CLEC2A: variants seen among roughly 807,000 people sequenced by gnomAD.
The protein encoded by CLEC2A is keratinocyte-associated C-type lectin.
A neutral mutation model predicts 18.6 loss-of-function variants in CLEC2A; 19 were observed. The observed-to-expected ratio is 1.02, with a 90% CI of 0.71 to 1.50. The LOEUF is 1.50. Ranked by LOEUF, CLEC2A falls within the 40% of genes most tolerant of loss-of-function variation. The pLI, the probability that CLEC2A is intolerant of heterozygous loss-of-function variation, is 0.00. For missense variants in CLEC2A, 190 were observed against 207.9 expected (o/e 0.91, Z 0.53); for synonymous variants, 74 against 64.0 (o/e 1.16, Z -0.75).
chr12:9,897,504 C>T (rs1438546318), downstream of CLEC2A, among the ~76,000 whole-genome samples: 2 of 151,312 alleles, frequency 1.3e-5, no homozygotes, highest in East Asian at 1.9e-4. Context: ...AAATTAGGCA[C>T]GTGGACACAT....
At chr12:9,889,758 G>C in the CLEC2A span, among the ~76,000 whole-genome samples, 1 of 151,898 alleles carries the variant, frequency 6.6e-6, no homozygotes, top group Non-Finnish European at 1.5e-5. Flanking sequence ...GTAATACAGT[G>C]TGGAGGCAGT....
At chr12:9,902,409 T>C (rs1419018722) in intron 4 of CLEC2A, among the ~76,000 whole-genome samples, 1 of 151,868 alleles carries the variant, frequency 6.6e-6, no homozygotes, top group East Asian at 1.9e-4. Flanking sequence ...ATTTTTGAAT[T>C]TGTAGTAGAA....
At chr12:9,904,846 T>C (rs1261004308) in intron 4 of CLEC2A, among the ~76,000 whole-genome samples, 1 of 152,196 alleles carries the variant, frequency 6.6e-6, no homozygotes, top group East Asian at 1.9e-4. Flanking sequence ...GCAACTACTT[T>C]GAAAAAGGGG....
intron 3 of CLEC2A, among the ~76,000 whole-genome samples, chr12:9,919,035 T>C (rs192779759): frequency 2.0e-5 from 3 of 152,348 alleles, no homozygotes; most frequent in African/African-American, 7.2e-5. Context: ...TGGGAGACTC[T>C]TGATCCATTG....
the CLEC2A span, among the ~76,000 whole-genome samples, chr12:9,886,753 C>T: frequency 1.6e-5 from 2 of 124,324 alleles, no homozygotes; most frequent in Admixed American, 9.4e-5. Context: ...GATTTTGCCC[C>T]TATATCATGC....
At chr12:9,907,066 T>A (rs1040973802) in intron 4 of CLEC2A, among the ~76,000 whole-genome samples, 5 of 152,220 alleles carry the variant, frequency 3.3e-5, no homozygotes, top group African/African-American at 1.2e-4. Flanking sequence ...TCCTGCTTTC[T>A]TCAGTCAGTA....
At chr12:9,902,378 G>T (rs1862843422) in intron 4 of CLEC2A, among the ~76,000 whole-genome samples, 1 of 151,886 alleles carries the variant, frequency 6.6e-6, no homozygotes, top group East Asian at 1.9e-4. Context: ...AATTACAGGT[G>T]TGCACCATTG....
intron 2 of CLEC2A, among the ~76,000 whole-genome samples, chr12:9,922,650 A>T (rs1303672626): frequency 6.6e-6 from 1 of 152,236 alleles, no homozygotes; most frequent in African/African-American, 2.4e-5. Flanking sequence ...GAAACTTGCC[A>T]TAAAGGACAA....
At chr12:9,878,258 A>G in the CLEC2A span, among the ~76,000 whole-genome samples, 1 of 152,222 alleles carries the variant, frequency 6.6e-6, no homozygotes, top group Non-Finnish European at 1.5e-5. Flanking sequence ...ACATGAGGAT[A>G]TGAATTTTGT....
intron 3 of CLEC2A, among the ~76,000 whole-genome samples, chr12:9,921,586 T>C (rs939919693): frequency 6.6e-6 from 1 of 152,048 alleles, no homozygotes; most frequent in East Asian, 1.9e-4. Flanking sequence ...GACTCTGTCT[T>C]AAAAACAAAC....
At chr12:9,897,305 C>T (rs759872768), downstream of CLEC2A, among the ~76,000 whole-genome samples, 1 of 152,062 alleles carries the variant, frequency 6.6e-6, no homozygotes, top group Non-Finnish European at 1.5e-5. Context: ...CCCTCTACCC[C>T]CTGGAAACTA....
intron 4 of CLEC2A, among the ~76,000 whole-genome samples, chr12:9,914,794 A>G (rs1863043619): frequency 6.6e-6 from 1 of 152,214 alleles, no homozygotes; most frequent in Non-Finnish European, 1.5e-5. Flanking sequence ...CATTCAGGAC[A>G]TAGGCATGGG....
At chr12:9,894,095 C>G (rs1272137052), downstream of CLEC2A, among the ~76,000 whole-genome samples, 1 of 149,510 alleles carries the variant, frequency 6.7e-6, no homozygotes, top group African/African-American at 2.5e-5. Context: ...TCTTCTTTCT[C>G]TTTCTCTCTT....
At chr12:9,890,385 A>G in the CLEC2A span, among the ~76,000 whole-genome samples, 1 of 151,032 alleles carries the variant, frequency 6.6e-6, no homozygotes, top group Non-Finnish European at 1.5e-5. Flanking sequence ...CAGACCACCC[A>G]TCTTTCGAGA....
downstream of CLEC2A, chr12:9,895,849 T>C: frequency 6.6e-7 from 1 of 1,512,394 alleles, no homozygotes; most frequent in Non-Finnish European, 8.8e-7. Flanking sequence ...CAACCAAACA[T>C]AGAAATACTT....
At chr12:9,925,022 T>G (rs763362795) in intron 2 of CLEC2A, among the ~76,000 whole-genome samples, 1 of 152,248 alleles carries the variant, frequency 6.6e-6, no homozygotes, top group Non-Finnish European at 1.5e-5. Context: ...TCCGGTCACT[T>G]TTCTACCCAA....
the CLEC2A span, chr12:9,893,540 T>G: frequency 7.5e-7 from 1 of 1,337,746 alleles, no homozygotes; most frequent in South Asian, 1.3e-5. Context: ...AGTTCCAGAA[T>G]TGTGAGTAGT....
intron 4 of CLEC2A, among the ~76,000 whole-genome samples, chr12:9,906,757 A>G (rs889331856): frequency 1.3e-5 from 2 of 152,196 alleles, no homozygotes; most frequent in African/African-American, 2.4e-5. Flanking sequence ...GGGAGGAGCC[A>G]TCTATAAACA....
At chr12:9,914,276 G>A (rs995882249) in intron 4 of CLEC2A, among the ~76,000 whole-genome samples, 1 of 151,978 alleles carries the variant, frequency 6.6e-6, no homozygotes, top group African/African-American at 2.4e-5. Flanking sequence ...TTGTGAAAAT[G>A]GCCATATTGC....
Sources: allele counts gnomAD v4.1 joint callset (sites outside exome capture counted in the v4.1 genomes callset), GRCh38; gene constraint gnomAD v4.1.1; transcripts MANE v1.5; gene names NCBI Gene and HGNC (gene_info 2026-07-23, HGNC 2026-07-21).